The following WNT7B variants were observed in gnomAD, a reference collection of about 807,000 sequenced individuals.
The protein encoded by WNT7B is Wnt family member 7B.
WNT7B carries 19 observed loss-of-function variants against 38.2 expected under a neutral mutation model. That is an observed-to-expected ratio of 0.50 (90% CI 0.35 to 0.73). The LOEUF (loss-of-function observed/expected upper bound fraction) is 0.73. WNT7B is among the 30% of genes least tolerant of loss of function. The pLI is 0.01. For missense variants in WNT7B, 423 were observed against 507.9 expected, an observed-to-expected ratio of 0.83 and a Z score of 1.61; for synonymous variants, 243 against 209.3, an observed-to-expected ratio of 1.16 and a Z score of -1.39.
At chr22:45,968,189 C>A (rs945609150) in intron 1 of WNT7B, among the ~76,000 whole-genome samples, 6 of 151,482 alleles carry the variant, frequency 4.0e-5, no homozygotes, top group Non-Finnish European at 8.8e-5. Flanking sequence ...ATCCATCCTT[C>A]AAAACCCTGT....
chr22:45,940,949 G>A (rs757759226), intron 2 of WNT7B, among the ~76,000 whole-genome samples: 1 of 152,234 alleles, frequency 6.6e-6, no homozygotes, highest in Non-Finnish European at 1.5e-5. Context: ...ATGAAGTCGG[G>A]GACGGCCCTT....
intron 1 of WNT7B, among the ~76,000 whole-genome samples, chr22:45,961,234 C>T (rs938680630): frequency 1.3e-5 from 2 of 152,022 alleles, no homozygotes; most frequent in East Asian, 1.9e-4. Context: ...GGCCCAGCTC[C>T]GTGGGGTGGA....
At chr22:45,954,951 T>G (rs1932025358) in intron 1 of WNT7B, 1 of 170,184 alleles carries the variant, frequency 5.9e-6, no homozygotes. Flanking sequence ...ACAGCCAGGC[T>G]TGGAGCCCAG....
chr22:45,931,252 C>T lies in WNT7B; in HGVS notation c.416G>A (p.Gly139Asp), dbSNP rs1433145518. The T allele has an allele frequency of 2.4e-5, 39 of 1,599,090 alleles. No homozygotes were observed. Among genetic ancestry groups the T allele is most frequent in the Admixed American group, 5.0e-5 (3 of 60,018 alleles). ...SNCGCDREKQGYYNQAEGWKW... is the reference protein window; with the variant it reads ...SNCGCDREKQDYYNQAEGWKW... ...CCAGCCCTCGGCTTGGTTGTAGTAGCCCTGCTTCTCGCGGTCGCAGCCGCA... is the reference window on the plus strand; with the variant it reads ...CCAGCCCTCGGCTTGGTTGTAGTAGTCCTGCTTCTCGCGGTCGCAGCCGCA... The change falls in exon 3 of 4, where the codon GGC (glycine) becomes GAC (aspartate). Residue 139 changes from glycine (G) to aspartate (D), a missense_variant. Physicochemically the swap from Gly to Asp is moderately conservative, Grantham distance 94. This residue lies in a region of WNT7B where 132 missense variants were observed against 113.4 expected (regional missense o/e 1.16). Coordinates refer to ENST00000339464, the MANE Select transcript of WNT7B (RefSeq NM_058238.3).
intron 2 of WNT7B, among the ~76,000 whole-genome samples, chr22:45,942,512 C>A (rs1931673788): frequency 6.6e-6 from 1 of 152,272 alleles, no homozygotes; most frequent in Non-Finnish European, 1.5e-5. Context: ...TGGCCCCAAT[C>A]CCTGCTTGTG....
intron 2 of WNT7B, among the ~76,000 whole-genome samples, chr22:45,933,491 C>G (rs573582920): frequency 6.6e-6 from 1 of 152,114 alleles, no homozygotes; most frequent in African/African-American, 2.4e-5. Context: ...GGGTATTAAA[C>G]GCCCCGTTCT....
rs1931926487 is a variant in WNT7B, at chr22:45,951,268, G to A, written c.72-1122C>T. 6.6e-6 allele frequency among the ~76,000 whole-genome samples: 1 copy of A among 152,092 alleles called. No individual in the cohort carries two copies. The highest frequency in any genetic ancestry group is 1.5e-5 in the Non-Finnish European group (1 of 68,010). On this transcript the variant is annotated intron_variant, in intron 1 of 3. Transcript: ENST00000339464. This position sits in a 1 kb window ranked among gnomAD's most constrained non-coding sequence, Gnocchi z 4.8. ...ATTTTTGTATTTTTAGTAGAGACAGGATTTCACTGTGTTGGCCAGGCTGGT... is the reference window on the plus strand; with the variant it reads ...ATTTTTGTATTTTTAGTAGAGACAGAATTTCACTGTGTTGGCCAGGCTGGT...
At chr22:45,961,077 C>T (rs977700636) in intron 1 of WNT7B, among the ~76,000 whole-genome samples, 2 of 152,246 alleles carry the variant, frequency 1.3e-5, no homozygotes, top group African/African-American at 4.8e-5. Context: ...CCCATAATGC[C>T]TGACCCCCAC....
In WNT7B at chr22:45,922,217, C is replaced by T. The variant is rs1204351446; in HGVS notation, c.*639G>A. The T allele has an allele frequency of 6.5e-6, 1 of 153,072 alleles. No individual in the cohort carries two copies. Among genetic ancestry groups the T allele is most frequent in the Admixed American group, 6.5e-5 (1 of 15,364 alleles). The allele number at this position is 153,072 out of a possible 1,614,324, so 9.5% of individuals were successfully genotyped here. ...CGTGGTCCCCATCAACCCCAGGCTG[C>T]CTCAGCTCTGCAGGGGCAGAGGGCC... On this transcript the variant is annotated 3_prime_UTR_variant, in exon 4 of 4. Transcript: ENST00000339464.
rs979214139 is a variant in WNT7B at position 45,951,028 on chromosome 22, C to T, written c.72-882G>A. Among the ~76,000 whole-genome samples the T allele has an allele frequency of 2.6e-5, 4 of 152,238 alleles. No homozygotes were observed. The highest frequency in any genetic ancestry group is 4.4e-5 in the Non-Finnish European group (3 of 68,048). On this transcript the variant is annotated intron_variant, in intron 1 of 3. Coordinates refer to ENST00000339464, the MANE Select transcript of WNT7B (RefSeq NM_058238.3). The surrounding 1 kb of genome is among the most constrained non-coding windows in gnomAD (Gnocchi z 4.8). ...CCTAGACAAGAACCCGCAGGTCACG[C>T]TCACTCTACTTCAAGTGATATCAGC...
At chr22:45,925,003 A>C (rs1197221255) in intron 3 of WNT7B, 6 of 948,206 alleles carry the variant, frequency 6.3e-6, no homozygotes, top group Non-Finnish European at 7.5e-6. Context: ...GGCGGGCCCA[A>C]AGTCTCATCA....
chr22:45,929,734 A>G (rs1476148233), intron 3 of WNT7B, among the ~76,000 whole-genome samples: 1 of 132,030 alleles, frequency 7.6e-6, no homozygotes, highest in East Asian at 2.2e-4. Context: ...TCACCCATCC[A>G]CCCACCGATC....
chr22:45,931,375 G>C lies in WNT7B; in HGVS notation c.299-6C>G. ...GAAGGCAGCCTCACGGCTCCCTGCG[G>C]GGACAGACAGGTGCAGAAGGTGAGA... On this transcript the variant is annotated splice_polypyrimidine_tract_variant and splice_region_variant and intron_variant, in intron 2 of 3. Coordinates refer to ENST00000339464, the MANE Select transcript of WNT7B (RefSeq NM_058238.3). The C allele has an allele frequency of 6.3e-7, 1 of 1,580,362 alleles. No homozygotes were observed. The highest frequency in any genetic ancestry group is 8.6e-7 in the Non-Finnish European group (1 of 1,168,296).
At chr22:45,952,362 C>T (rs1011179852) in intron 1 of WNT7B, among the ~76,000 whole-genome samples, 6 of 152,204 alleles carry the variant, frequency 3.9e-5, no homozygotes, top group East Asian at 1.9e-4. Context: ...GAGGCCCGCC[C>T]GGCCCGCCCA....
At chr22:45,935,321 C>T (rs1340122720) in intron 2 of WNT7B, among the ~76,000 whole-genome samples, 1 of 152,210 alleles carries the variant, frequency 6.6e-6, no homozygotes. Context: ...CCCCCAAGGC[C>T]CCAGAGGCCT....
At chr22:45,942,942 G>A (rs560904049) in intron 2 of WNT7B, among the ~76,000 whole-genome samples, 26 of 141,594 alleles carry the variant, frequency 1.8e-4, no homozygotes, top group African/African-American at 6.6e-4. Flanking sequence ...GTGTGTAGGC[G>A]TGTATGTGTG....
chr22:45,949,839 T>C (rs1426056802), intron 2 of WNT7B, 81 bp downstream of exon 2: 29 of 1,391,562 alleles, frequency 2.1e-5, no homozygotes, highest in Non-Finnish European at 2.8e-5. Context: ...AACAGCGGCC[T>C]AGGCTGGCCT....
intron 3 of WNT7B, among the ~76,000 whole-genome samples, chr22:45,927,728 TCTA>T: frequency 6.7e-6 from 1 of 148,740 alleles, no homozygotes. Flanking sequence ...AAGCCCCATC[TCTA>T]CTAACAATAC....
chr22:45,948,759 A>G (rs938016865), intron 2 of WNT7B, among the ~76,000 whole-genome samples: 12 of 148,022 alleles, frequency 8.1e-5, no homozygotes. Flanking sequence ...TGAGGCCCTG[A>G]GCAGCCCCGA....
Sources: allele counts gnomAD v4.1 joint callset (sites outside exome capture counted in the v4.1 genomes callset), GRCh38; gene constraint gnomAD v4.1.1; regional missense constraint gnomAD v4.1.1; non-coding constraint Gnocchi (gnomAD v3.1); transcripts MANE v1.5; gene names NCBI Gene and HGNC (gene_info 2026-07-23, HGNC 2026-07-21).